The following FRY variants were observed in gnomAD, a reference collection of about 807,000 sequenced individuals.
The protein encoded by FRY is protein furry homolog.
A neutral mutation model predicts 348.4 loss-of-function variants in FRY; 128 were observed. The ratio of observed to expected loss-of-function variants is 0.37; its 90% CI spans 0.32 to 0.43. FRY has a LOEUF of 0.43. FRY is among the 20% of genes least tolerant of loss of function. FRY has a pLI of 1.00. For missense variants in FRY, 2,736 were observed against 3,695.2 expected (o/e 0.74, Z 6.73); for synonymous variants, 1,370 against 1,374.7 (o/e 1.00, Z 0.08).
chr13:32,295,579 C>G lies in FRY; in HGVS notation c.*119C>G. ...GACAGACTGTTCTCCCTCTTGTTAC[C>G]TGTAGGGCTTTTTCTAAAGAGGATG... On this transcript the variant is annotated 3_prime_UTR_variant, in exon 61 of 61. Transcript: ENST00000542859. 2 of 934,350 alleles carry G rather than the reference C, an allele frequency of 2.1e-6. No homozygotes were observed. The highest frequency in any genetic ancestry group is 3.4e-6 in the Non-Finnish European group (2 of 591,220). 57.9% of individuals were successfully genotyped at this position (934,350 alleles called of 1,614,324 possible).
In FRY at chr13:32,239,589, T is replaced by A; in HGVS notation, c.6517-122T>A. 1 of 755,842 alleles carries A rather than the reference T, an allele frequency of 1.3e-6. No individual in the cohort carries two copies. Among genetic ancestry groups the A allele is most frequent in the Non-Finnish European group, 2.3e-6 (1 of 441,178 alleles). 46.8% of individuals were successfully genotyped at this position (755,842 alleles called of 1,614,324 possible). A position where few individuals can be genotyped will look rare whatever the true frequency, so the allele number is the denominator to read the frequency against. Reference sequence around the variant, plus strand: ...TATATTAGCCAAGCTAAGTATTTCCTGTAATTACCAAAAAGTGTATCAATC... The same window carrying A: ...TATATTAGCCAAGCTAAGTATTTCCAGTAATTACCAAAAAGTGTATCAATC... On this transcript the variant is annotated intron_variant, in intron 45 of 60. Transcript: ENST00000542859. The surrounding 1 kb of genome is among the most constrained non-coding windows in gnomAD (Gnocchi z 4.3).
rs139116074 is a variant in FRY at position 32,186,531 on chromosome 13, A to G, written c.3480+111A>G. On this transcript the variant is annotated intron_variant, in intron 27 of 60. Transcript: ENST00000542859. ...AAAATAAATAATACAATATCATAGA[A>G]TAAAATCTAAGCGCACATACAAAAA... 384 of 770,538 alleles carry G rather than the reference A, an allele frequency of 5.0e-4. No homozygotes were observed. In the African/African-American group the frequency reaches 5.2e-3, roughly 10 times the overall value. The allele number at this position is 770,538 out of a possible 1,614,324, so 47.7% of individuals were successfully genotyped here. A position where few individuals can be genotyped will look rare whatever the true frequency, so the allele number is the denominator to read the frequency against.
At chr13:32,180,081 A>G (rs1418263134) in intron 23 of FRY, among the ~76,000 whole-genome samples, 4 of 152,384 alleles carry the variant, frequency 2.6e-5, no homozygotes. Context: ...ATAGTTCAGT[A>G]TCAATCCCAG....
At chr13:32,090,316 CTAG>C (rs1253094549) in intron 2 of FRY, among the ~76,000 whole-genome samples, 8 of 126,828 alleles carry the variant, frequency 6.3e-5, no homozygotes, top group South Asian at 5.1e-4. Flanking sequence ...CCACTGCACT[CTAG>C]CAGCCTGGGC....
intron 1 of FRY, among the ~76,000 whole-genome samples, chr13:32,070,054 TG>T (rs1305046708): frequency 6.6e-6 from 1 of 152,234 alleles, no homozygotes; most frequent in African/African-American, 2.4e-5. Flanking sequence ...CATCCTTTTT[TG>T]TGGCTGCATA....
At chr13:32,246,088 C>A (rs1317049995) in intron 47 of FRY, among the ~76,000 whole-genome samples, 1 of 152,206 alleles carries the variant, frequency 6.6e-6, no homozygotes, top group Non-Finnish European at 1.5e-5. Flanking sequence ...TCAGTTGACA[C>A]CTTTCTACGA....
intron 34 of FRY, among the ~76,000 whole-genome samples, chr13:32,212,028 GGAA>G (rs1488693677): frequency 2.6e-5 from 4 of 152,222 alleles, no homozygotes; most frequent in Admixed American, 6.5e-5. Context: ...TAAGTGGCCA[GGAA>G]GAAGAGGTTT....
At chr13:32,161,972 C>T (rs1358687868) in intron 17 of FRY, among the ~76,000 whole-genome samples, 1 of 152,118 alleles carries the variant, frequency 6.6e-6, no homozygotes, top group East Asian at 1.9e-4. Context: ...TCAAAAGTGA[C>T]ATAACCTAAC....
chr13:32,294,345 A>G, intron 59 of FRY, 23 bp from the exon 60 acceptor site: 1 of 1,578,774 alleles, frequency 6.3e-7, no homozygotes, highest in South Asian at 1.1e-5. Context: ...AATATAGTTT[A>G]AAAAACATTT....
chr13:32,148,455 T>C (rs969558895), intron 13 of FRY, among the ~76,000 whole-genome samples: 4 of 152,238 alleles, frequency 2.6e-5, no homozygotes, highest in Non-Finnish European at 5.9e-5. Flanking sequence ...TTGTGTATAT[T>C]AATGACTTAA....
chr13:32,098,705 G>A (rs954878855), intron 2 of FRY, among the ~76,000 whole-genome samples: 8 of 151,996 alleles, frequency 5.3e-5, no homozygotes, highest in African/African-American at 1.9e-4. Flanking sequence ...CTTCTCCCCA[G>A]TAGTGTGTAT....
chr13:32,194,078 T>A (rs954285540), intron 28 of FRY, 65 bp from the exon 29 acceptor site: 2 of 1,450,830 alleles, frequency 1.4e-6, no homozygotes, highest in African/African-American at 2.8e-5. Flanking sequence ...AAGCTTTATC[T>A]GTATCTTTCT....
intron 22 of FRY, among the ~76,000 whole-genome samples, chr13:32,179,289 C>G (rs1882553765): frequency 6.6e-6 from 1 of 152,114 alleles, no homozygotes; most frequent in Non-Finnish European, 1.5e-5. Context: ...TTTATTCGTG[C>G]CCTGAGGTTT....
At chr13:32,202,619 G>C (rs751617827) in intron 31 of FRY, 92 bp downstream of exon 31, 2 of 1,147,404 alleles carry the variant, frequency 1.7e-6, no homozygotes, top group East Asian at 2.4e-5. Context: ...TCATTTCTTT[G>C]CTCTAAGTAA....
chr13:32,094,943 T>G (rs1392435528), intron 2 of FRY, among the ~76,000 whole-genome samples: 1 of 152,224 alleles, frequency 6.6e-6, no homozygotes. Context: ...CCATAGTGGT[T>G]GTACTAATTT....
At chr13:32,039,798 G>A (rs1034213799) in intron 1 of FRY, among the ~76,000 whole-genome samples, 8 of 152,152 alleles carry the variant, frequency 5.3e-5, no homozygotes, top group African/African-American at 1.9e-4. Flanking sequence ...TACTTTTTAT[G>A]CTGCTGTAAG....
At position 32,252,191 on chromosome 13, in the gene FRY, T is replaced by G. The variant is rs184542008; in HGVS notation, c.7245+239T>G. On this transcript the variant is annotated intron_variant, in intron 50 of 60. Transcript: ENST00000542859. The stretch of plus-strand genomic sequence containing the variant: ...CTCGTTTGTCTGTGAATACTGTTTC[T>G]TTTCATTTTTTTAATTTATTGGATT... Among the ~76,000 whole-genome samples the G allele has an allele frequency of 5.3e-5, 8 of 152,136 alleles. No homozygotes were observed. In the East Asian group the frequency reaches 1.5e-3, roughly 29 times the overall value.
chr13:32,285,757 C>T (rs775124248), intron 58 of FRY, among the ~76,000 whole-genome samples: 19 of 152,174 alleles, frequency 1.2e-4, no homozygotes, highest in Non-Finnish European at 2.1e-4. Flanking sequence ...GCATACTAAA[C>T]GTTTCAGTCA....
At chr13:32,274,184 G>A (rs188487153) in intron 55 of FRY, among the ~76,000 whole-genome samples, 30 of 151,952 alleles carry the variant, frequency 2.0e-4, no homozygotes, top group African/African-American at 7.0e-4. Flanking sequence ...TTACCCTAAG[G>A]ACCCATTCTC....
Sources: allele counts gnomAD v4.1 joint callset (sites outside exome capture counted in the v4.1 genomes callset), GRCh38; gene constraint gnomAD v4.1.1; non-coding constraint Gnocchi (gnomAD v3.1); transcripts MANE v1.5; gene names NCBI Gene and HGNC (gene_info 2026-07-23, HGNC 2026-07-21).